DNA2: variants seen among roughly 807,000 people sequenced by gnomAD.
The protein encoded by DNA2 is DNA replication ATP-dependent helicase/nuclease DNA2.
DNA2 carries 101 observed loss-of-function variants against 119.1 expected under a neutral mutation model. The observed-to-expected ratio is 0.85, with a 90% CI of 0.72 to 1.00. The LOEUF (loss-of-function observed/expected upper bound fraction) is 1.00. Ranked by LOEUF, DNA2 falls within the 50% of genes least tolerant of loss-of-function variation. The pLI is 0.00. For synonymous variants in DNA2, 366 were observed against 424.4 expected, an observed-to-expected ratio of 0.86 and a Z score of 1.69; for missense variants, 1,121 against 1,255.5, an observed-to-expected ratio of 0.89 and a Z score of 1.62.
chr10:68,469,621 C>T (rs2052363877), intron 2 of DNA2, among the ~76,000 whole-genome samples: 1 of 152,012 alleles, frequency 6.6e-6, no homozygotes, highest in African/African-American at 2.4e-5. Flanking sequence ...TGCCACCATA[C>T]CCAGCTAATT....
intron 19 of DNA2, among the ~76,000 whole-genome samples, chr10:68,418,632 C>T (rs959943632): frequency 1.3e-5 from 2 of 151,592 alleles, no homozygotes; most frequent in Non-Finnish European, 1.5e-5. Context: ...ATGTTGTTCC[C>T]CTCTCTGTGT....
intron 19 of DNA2, among the ~76,000 whole-genome samples, chr10:68,417,773 G>A (rs1358402205): frequency 6.6e-6 from 1 of 152,078 alleles, no homozygotes; most frequent in Admixed American, 6.6e-5. Flanking sequence ...CATTCCATCT[G>A]ACAGATGAAT....
At chr10:68,445,127 T>A (rs1319713645) in intron 7 of DNA2, 44 bp from the exon 8 acceptor site, 1 of 1,520,082 alleles carries the variant, frequency 6.6e-7, no homozygotes, top group African/African-American at 1.4e-5. Context: ...TTAAATAAAG[T>A]TTATCATGTC....
At chr10:68,422,148 G>T in intron 17 of DNA2, 77 bp downstream of exon 17, 1 of 1,165,056 alleles carries the variant, frequency 8.6e-7, no homozygotes, top group Non-Finnish European at 1.2e-6. Context: ...TCTAATTAGG[G>T]CATGTGCTAA....
intron 4 of DNA2, 61 bp downstream of exon 4, chr10:68,465,606 G>C (rs530295137): frequency 3.2e-4 from 413 of 1,272,938 alleles, no homozygotes; most frequent in Non-Finnish European, 4.1e-4. Flanking sequence ...ATACTTTATA[G>C]TTTCTAGGAC....
chr10:68,445,049 T>C lies in DNA2; in HGVS notation c.1092A>G (p.Ser364=), dbSNP rs1353543885. The C allele has an allele frequency of 1.2e-6, 2 of 1,608,420 alleles. No homozygotes were observed. Among genetic ancestry groups the C allele is most frequent in the African/African-American group, 1.3e-5 (1 of 74,820 alleles). The part of the protein sequence containing the change: ...LLKLRNQMAF[S]LFHRISKSAT... ...CAGATTTGCTAATACGGTGAAACAATGAGAATGCCATCTGGTTTCTTAGCT... is the reference window on the plus strand; with the variant it reads ...CAGATTTGCTAATACGGTGAAACAACGAGAATGCCATCTGGTTTCTTAGCT... The change falls in exon 8 of 21, where the codon TCA becomes TCG. Residue 364 remains serine (S), a synonymous_variant. Transcript: ENST00000358410.
chr10:68,442,536 G>A (rs1035090662), intron 9 of DNA2, among the ~76,000 whole-genome samples: 9 of 151,930 alleles, frequency 5.9e-5, no homozygotes, highest in Non-Finnish European at 7.4e-5. Context: ...ACAGGCACCC[G>A]CCACCACGCC....
At chr10:68,418,494 C>G (rs2051621576) in intron 19 of DNA2, among the ~76,000 whole-genome samples, 1 of 149,418 alleles carries the variant, frequency 6.7e-6, no homozygotes, top group South Asian at 2.1e-4. Context: ...AAAAAAAAAC[C>G]AGAATACATC....
chr10:68,468,053 A>C lies in DNA2; in HGVS notation c.441+70T>G, dbSNP rs1157059927. ...AGGGTTGCTGGGAGGATTAAGTGAAATAATAAATGTAAAAGTGCTCTGTAA... is the reference window on the plus strand; with the variant it reads ...AGGGTTGCTGGGAGGATTAAGTGAACTAATAAATGTAAAAGTGCTCTGTAA... On this transcript the variant is annotated intron_variant, in intron 3 of 20. Coordinates refer to ENST00000358410, the MANE Select transcript of DNA2 (RefSeq NM_001080449.3). 3 of 1,154,808 alleles carry C rather than the reference A, an allele frequency of 2.6e-6. No individual in the cohort carries two copies. In the East Asian group the frequency reaches 7.8e-5, roughly 30 times the overall value. The allele number at this position is 1,154,808 out of a possible 1,614,324, so 71.5% of individuals were successfully genotyped here. A position where few individuals can be genotyped will look rare whatever the true frequency, so the allele number is the denominator to read the frequency against.
chr10:68,453,674 G>C (rs1236122089), intron 5 of DNA2, among the ~76,000 whole-genome samples: 1 of 152,146 alleles, frequency 6.6e-6, no homozygotes, highest in African/African-American at 2.4e-5. Flanking sequence ...TGTTTAGATA[G>C]ACAAATACTT....
chr10:68,438,802 G>C (rs927808208), intron 9 of DNA2, among the ~76,000 whole-genome samples: 1 of 152,030 alleles, frequency 6.6e-6, no homozygotes, highest in African/African-American at 2.4e-5. Flanking sequence ...GGGAGGCTGA[G>C]GTGGGCAGAT....
chr10:68,433,366 C>G (rs78414745), intron 10 of DNA2, among the ~76,000 whole-genome samples: 3,823 of 152,226 alleles, frequency 0.025, 158 homozygotes, highest in African/African-American at 0.087. Flanking sequence ...TTCCTCTAGC[C>G]TGGGTCACTG....
chr10:68,471,926 A>C lies in DNA2; in HGVS notation c.-62T>G. 6.2e-7 allele frequency: 1 copy of C among 1,613,470 alleles called. No individual in the cohort carries two copies. On this transcript the variant is annotated 5_prime_UTR_variant, in exon 1 of 21. Coordinates refer to ENST00000358410, the MANE Select transcript of DNA2 (RefSeq NM_001080449.3). The stretch of plus-strand genomic sequence containing the variant: ...ACAGCGGAACCGGGGGTAACACAGA[A>C]AGCTTAGAAAAGGGAAAAAGGCGCG...
chr10:68,465,880 A>G, intron 3 of DNA2, 68 bp from the exon 4 acceptor site: 1 of 1,311,452 alleles, frequency 7.6e-7, no homozygotes, highest in Non-Finnish European at 9.9e-7. Flanking sequence ...TTTATTACCT[A>G]ATCTATTAAA....
At chr10:68,436,533 C>T (rs561094659) in intron 10 of DNA2, among the ~76,000 whole-genome samples, 63 of 152,196 alleles carry the variant, frequency 4.1e-4, no homozygotes, top group South Asian at 1.9e-3. Flanking sequence ...ATATACTAAA[C>T]GCCACTCAAT....
chr10:68,434,268 C>A (rs1480960773), intron 10 of DNA2, among the ~76,000 whole-genome samples: 12 of 142,536 alleles, frequency 8.4e-5, no homozygotes, highest in African/African-American at 3.2e-4. Context: ...GTGAGACGGT[C>A]TCAAAAAAAA....
chr10:68,422,555 T>C lies in DNA2; in HGVS notation c.2452A>G (p.Ser818Gly), dbSNP rs2051679266. 2 of 1,613,924 alleles carry C rather than the reference T, an allele frequency of 1.2e-6. No homozygotes were observed. The highest frequency in any genetic ancestry group is 2.2e-5 in the East Asian group (1 of 44,894). The change falls in exon 16 of 21, where the codon AGT (serine) becomes GGT (glycine). Residue 818 changes from serine to glycine, a missense_variant. Physicochemically the swap from Ser to Gly is moderately conservative, Grantham distance 56 (BLOSUM62 0). Transcript: ENST00000358410. The part of the protein sequence containing the change: ...SLFKRLEQNK[S>G]AVVQLTVQYR... ...TGCACGGTTAACTGTACAACAGCAC[T>C]CTTATTCTGCTCCAGCCTCTTGAAT... is the stretch of plus-strand genomic sequence containing the variant.
At chr10:68,432,972 C>CA (rs2051842123) in intron 10 of DNA2, among the ~76,000 whole-genome samples, 1 of 152,112 alleles carries the variant, frequency 6.6e-6, no homozygotes, top group East Asian at 1.9e-4. Context: ...GGGTCCCAGG[C>CA]CCTCACGTGC....
chr10:68,465,727 G>A lies in DNA2; in HGVS notation c.527C>T (p.Pro176Leu), dbSNP rs749324268. 55 of 1,607,758 alleles carry A rather than the reference G, an allele frequency of 3.4e-5. No homozygotes were observed. The highest frequency in any genetic ancestry group is 4.7e-5 in the Non-Finnish European group (55 of 1,177,470). Residue 176 changes from proline (P) to leucine (L), a missense_variant, in exon 4 of 21, where the codon CCA (proline) becomes CTA (leucine). Physicochemically the swap from Pro to Leu is moderately conservative, Grantham distance 98. Transcript: ENST00000358410. Reference sequence around the variant, plus strand: ...AAAAGCAAGTTCTTGTAGCTTTTCTGGGGCAAAGCTATTATTTATGGCTTT... The same window carrying A: ...AAAAGCAAGTTCTTGTAGCTTTTCTAGGGCAAAGCTATTATTTATGGCTTT... ...FQKAINNSFA[P>L]EKLQELAFQT...
Sources: gnomAD v4.1 joint callset for allele counts (sites outside exome capture counted in the v4.1 genomes callset) on GRCh38, gnomAD v4.1.1 for gene constraint, MANE v1.5 for transcripts, NCBI Gene and HGNC (gene_info 2026-07-23, HGNC 2026-07-21) for gene names.